Variants in CHD8 observed in about 807,000 individuals in gnomAD.
CHD8 encodes chromodomain helicase DNA binding protein 8.
Under a neutral mutation model 279.2 loss-of-function variants are expected in CHD8, and 31 were observed. That is an observed-to-expected ratio of 0.11 (90% CI 0.08 to 0.15). The LOEUF is 0.15. CHD8 is among the 10% of genes least tolerant of loss of function. The pLI is 1.00. For synonymous variants in CHD8, 1,081 were observed against 1,139.6 expected, an observed-to-expected ratio of 0.95 and a Z score of 1.04; for missense variants, 2,146 against 3,230.5, an observed-to-expected ratio of 0.66 and a Z score of 8.14.
In CHD8 at chr14:21,385,404, G is replaced by T; in HGVS notation, c.*209C>A. On this transcript the variant is annotated 3_prime_UTR_variant, in exon 38 of 38. Transcript: ENST00000646647. Reference sequence around the variant, plus strand: ...TTCCTTCCCCAGAAATGAGGAAGTGGTCATGTATTATTTTAGGAGTTCCCC... The same window carrying T: ...TTCCTTCCCCAGAAATGAGGAAGTGTTCATGTATTATTTTAGGAGTTCCCC... 1 of 734,464 alleles carries T rather than the reference G, an allele frequency of 1.4e-6. No homozygotes were observed. The highest frequency in any genetic ancestry group is 2.1e-6 in the Non-Finnish European group (1 of 473,590). The allele number at this position is 734,464 out of a possible 1,614,324, so 45.5% of individuals were successfully genotyped here. A position where few individuals can be genotyped will look rare whatever the true frequency, so the allele number is the denominator to read the frequency against.
chr14:21,441,180 GAT>G (rs1215658823), intron 1 of CHD8, among the ~76,000 whole-genome samples: 1 of 152,192 alleles, frequency 6.6e-6, no homozygotes, highest in Non-Finnish European at 1.5e-5. Flanking sequence ...GGCAATGGCA[GAT>G]ATTAGAGTCC....
intron 1 of CHD8, among the ~76,000 whole-genome samples, chr14:21,442,659 GA>G: frequency 8.2e-6 from 1 of 122,190 alleles, no homozygotes; most frequent in African/African-American, 3.2e-5. Flanking sequence ...GAGAGGGGAG[GA>G]GAGGAGAGGG....
chr14:21,398,923 A>T, intron 26 of CHD8: 1 of 338,064 alleles, frequency 3.0e-6, no homozygotes, highest in South Asian at 2.8e-5. Flanking sequence ...GCTGACATAG[A>T]GATGCAGATC....
chr14:21,435,502 T>C (rs1468871143), intron 1 of CHD8, among the ~76,000 whole-genome samples: 2 of 152,204 alleles, frequency 1.3e-5, no homozygotes, highest in East Asian at 1.9e-4. Flanking sequence ...TATTTGACAT[T>C]ATTCCTCACC....
chr14:21,454,406 C>T (rs1034774942), intron 1 of CHD8, among the ~76,000 whole-genome samples: 1 of 152,204 alleles, frequency 6.6e-6, no homozygotes, highest in African/African-American at 2.4e-5. Flanking sequence ...CAATCTCCAC[C>T]TCCAGGGTTC....
chr14:21,401,371 G>A, intron 21 of CHD8, 32 bp downstream of exon 21: 1 of 1,318,344 alleles, frequency 7.6e-7, no homozygotes, highest in Non-Finnish European at 1.1e-6. Flanking sequence ...GTGGTCTTCT[G>A]CGATACTTCC....
At chr14:21,436,070 C>G (rs1055022375) in intron 1 of CHD8, among the ~76,000 whole-genome samples, 1 of 152,222 alleles carries the variant, frequency 6.6e-6, no homozygotes, top group Non-Finnish European at 1.5e-5. Context: ...TCTTAGAAGA[C>G]AATGAACGAA....
Position 21,431,222 on chromosome 14 carries a change from G to A in CHD8, c.422C>T (p.Thr141Ile), listed in dbSNP as rs1889549384. ...QGNPFMGVSA[T>I]AVSSSSAGGQ... ...TCCAGCACTACTGGAGGAGACAGCT[G>A]TGGCAGAGACACCCATGAAAGGATT... is the stretch of plus-strand genomic sequence containing the variant. The change falls in exon 2 of 38, where the codon ACA becomes ATA. Residue 141 changes from threonine (T) to isoleucine (I), a missense_variant. Physicochemically the swap from Thr to Ile is moderately conservative, Grantham distance 89 (BLOSUM62 -1). Coordinates refer to ENST00000646647, the MANE Select transcript of CHD8 (RefSeq NM_001170629.2). 4 of 1,599,024 alleles carry A rather than the reference G, an allele frequency of 2.5e-6. No individual in the cohort carries two copies. Among genetic ancestry groups the A allele is most frequent in the Non-Finnish European group, 3.4e-6 (4 of 1,179,592 alleles).
chr14:21,404,892 T>C, intron 16 of CHD8: 1 of 292,530 alleles, frequency 3.4e-6, no homozygotes, highest in Non-Finnish European at 6.4e-6. Context: ...AGTGCAGTGG[T>C]GTGATCTCGG....
At chr14:21,387,638 CAA>C (rs34278173) in intron 37 of CHD8, among the ~76,000 whole-genome samples, 5 of 68,494 alleles carry the variant, frequency 7.3e-5, no homozygotes, top group Admixed American at 1.9e-4. Context: ...AACTCTGTAT[CAA>C]AAAAAAAAAA....
At chr14:21,411,891 C>T (rs1325566966) in intron 10 of CHD8, among the ~76,000 whole-genome samples, 1 of 151,920 alleles carries the variant, frequency 6.6e-6, no homozygotes, top group African/African-American at 2.4e-5. Flanking sequence ...TGGTGAAACC[C>T]TGTCTGTACT....
chr14:21,403,347 ACTTCT>A lies in CHD8; in HGVS notation c.3518+101_3518+105del. ...CAAGTTGAGAGTGAGAATCTTAAAA[ACTTCT>A]CTTATTGCAATTGGTGAACTCTAAT... is the stretch of plus-strand genomic sequence containing the variant. On this transcript the variant is annotated intron_variant, in intron 17 of 37. Transcript: ENST00000646647. The surrounding 1 kb of genome is among the most constrained non-coding windows in gnomAD (Gnocchi z 4.3). The A allele has an allele frequency of 7.9e-7, 1 of 1,266,756 alleles. No individual in the cohort carries two copies. The allele number at this position is 1,266,756 out of a possible 1,614,324, so 78.5% of individuals were successfully genotyped here.
At chr14:21,387,370 G>A (rs566605015) in intron 37 of CHD8, among the ~76,000 whole-genome samples, 28 of 152,052 alleles carry the variant, frequency 1.8e-4, no homozygotes, top group African/African-American at 6.5e-4. Flanking sequence ...GGTGGCTCAC[G>A]CCTGTAATCC....
At position 21,403,148 on chromosome 14, in the gene CHD8, A is replaced by G; in HGVS notation, c.3583T>C (p.Phe1195Leu). 6.2e-7 allele frequency: 1 copy of G among 1,614,062 alleles called. No individual in the cohort carries two copies. Among genetic ancestry groups the G allele is most frequent in the Non-Finnish European group, 8.5e-7 (1 of 1,179,902 alleles). ...GNLRQAAIDR[F>L]SKPDSDRFVF... ...AAGCGGTCTGAGTCAGGCTTGCTGA[A>G]GCGGTCAATGGCAGCCTGTCGAAGG... Residue 1195 changes from phenylalanine (F) to leucine (L), a missense_variant, in exon 18 of 38, where the codon TTC becomes CTC. This residue lies in a region of CHD8 where 48 missense variants were observed against 135.7 expected (regional missense o/e 0.35). Coordinates refer to ENST00000646647, the MANE Select transcript of CHD8 (RefSeq NM_001170629.2). The surrounding 1 kb of genome is among the most constrained non-coding windows in gnomAD (Gnocchi z 4.3).
chr14:21,452,934 G>C (rs1370209200), intron 1 of CHD8, among the ~76,000 whole-genome samples: 3 of 150,754 alleles, frequency 2.0e-5, no homozygotes, highest in African/African-American at 7.4e-5. Flanking sequence ...AGTGAGCAAA[G>C]ATCGCACCAC....
chr14:21,393,223 T>C lies in CHD8; in HGVS notation c.6351A>G (p.Glu2117=). 2.5e-6 allele frequency: 4 copies of C among 1,613,994 alleles called. No homozygotes were observed. The highest frequency in any genetic ancestry group is 3.4e-6 in the Non-Finnish European group (4 of 1,179,884). The change falls in exon 33 of 38, where the codon GAA becomes GAG. Residue 2117 remains glutamate (E), a synonymous_variant. Coordinates refer to ENST00000646647, the MANE Select transcript of CHD8 (RefSeq NM_001170629.2). ...ACATAGTGAGGGACAGGAGACTCTC[T>C]TCATCATAGAGCTTTGAGCGGGACT... The part of the protein sequence containing the change: ...TDQSRSKLYD[E]ESLLSLTMSQ...
At chr14:21,422,172 C>A (rs1209379227) in intron 5 of CHD8, among the ~76,000 whole-genome samples, 1 of 152,136 alleles carries the variant, frequency 6.6e-6, no homozygotes, top group Non-Finnish European at 1.5e-5. Context: ...GAAACTCCAT[C>A]TCTACTAAAA....
intron 34 of CHD8, 36 bp downstream of exon 34, chr14:21,392,471 C>CT (rs1236259531): frequency 6.3e-7 from 1 of 1,584,694 alleles, no homozygotes; most frequent in South Asian, 1.1e-5. Flanking sequence ...TTCCAGCCTC[C>CT]TTCCCCACTT....
chr14:21,413,445 A>T (rs1471908702), intron 9 of CHD8, among the ~76,000 whole-genome samples: 2 of 144,276 alleles, frequency 1.4e-5, no homozygotes, highest in East Asian at 4.1e-4. Flanking sequence ...TCCAGGCTGG[A>T]GTGCAGTAGA....
Sources: allele counts gnomAD v4.1 joint callset (sites outside exome capture counted in the v4.1 genomes callset), GRCh38; gene constraint gnomAD v4.1.1; regional missense constraint gnomAD v4.1.1; non-coding constraint Gnocchi (gnomAD v3.1); transcripts MANE v1.5; gene names NCBI Gene and HGNC (gene_info 2026-07-23, HGNC 2026-07-21).